The following SLC9A9 variants were observed in gnomAD, a reference collection of about 807,000 sequenced individuals.
SLC9A9 encodes the protein solute carrier family 9 member A9.
A neutral mutation model predicts 77.8 loss-of-function variants in SLC9A9; 62 were observed. That is an observed-to-expected ratio of 0.80 (90% CI 0.65 to 0.98). The LOEUF (loss-of-function observed/expected upper bound fraction) is 0.98. SLC9A9 is among the 50% of genes least tolerant of loss of function. The pLI is 0.00. For synonymous variants in SLC9A9, 320 were observed against 283.5 expected (o/e 1.13, Z -1.29); for missense variants, 775 against 774.9 (o/e 1.00, Z 0.00).
chr3:143,466,591 T>A lies in SLC9A9; in HGVS notation c.1469+446A>T, dbSNP rs143829564. ...CACTAAGCAAGTATGTTTAAGCATT[T>A]CCTATGTCCCTGTTTCTGTTGTAAG... On this transcript the variant is annotated intron_variant, in intron 12 of 15. Transcript: ENST00000316549. 1.2e-3 allele frequency among the ~76,000 whole-genome samples: 181 copies of A among 152,350 alleles called. 5 individuals carry two copies. The East Asian group carries it at 0.032, about 27-fold the overall frequency.
intron 6 of SLC9A9, among the ~76,000 whole-genome samples, chr3:143,640,976 G>A (rs917137764): frequency 1.3e-5 from 2 of 152,164 alleles, no homozygotes; most frequent in African/African-American, 4.8e-5. Context: ...AGCTGACATG[G>A]CAGAAAATGT....
In SLC9A9 at chr3:143,436,245, C is replaced by T. The variant is rs2034619749; in HGVS notation, c.1469+30792G>A. Among the ~76,000 whole-genome samples the T allele has an allele frequency of 2.0e-5, 3 of 152,326 alleles. No individual in the cohort carries two copies. The South Asian group carries it at 6.2e-4, about 32-fold the overall frequency. On this transcript the variant is annotated intron_variant, in intron 12 of 15. Transcript: ENST00000316549. ...TGCGAGCACTGGGCAGTGGTCCAGTCCTACTGCTGGCAGGGTCACCGCATG... is the reference window on the plus strand; with the variant it reads ...TGCGAGCACTGGGCAGTGGTCCAGTTCTACTGCTGGCAGGGTCACCGCATG...
At chr3:143,832,330 G>A (rs1035917435) in intron 1 of SLC9A9, 109 bp from the exon 2 acceptor site, 10 of 927,964 alleles carry the variant, frequency 1.1e-5, no homozygotes, top group Non-Finnish European at 1.6e-5. Context: ...AAAGTGTTGG[G>A]TTATTGCCTG....
chr3:143,603,727 A>G (rs1360616158), intron 6 of SLC9A9, among the ~76,000 whole-genome samples: 4 of 152,212 alleles, frequency 2.6e-5, no homozygotes, highest in Non-Finnish European at 5.9e-5. Context: ...AATGTTTGCT[A>G]TATTAGGCAG....
At chr3:143,561,122 A>C (rs1193205630) in intron 8 of SLC9A9, among the ~76,000 whole-genome samples, 1 of 152,200 alleles carries the variant, frequency 6.6e-6, no homozygotes, top group Non-Finnish European at 1.5e-5. Flanking sequence ...TGCAAGTTGC[A>C]GTGAGCTGAG....
At position 143,354,802 on chromosome 3, in the gene SLC9A9, T is replaced by TA. The variant is rs548357838; in HGVS notation, c.1604+8681dup. Reference sequence around the variant, plus strand: ...TTTTTTTCCTAATAAAATGATTCAGTACTGACCTAGAAATCTTCAGTATAA... The same window carrying TA: ...TTTTTTTCCTAATAAAATGATTCAGTAACTGACCTAGAAATCTTCAGTATAA... On this transcript the variant is annotated intron_variant, in intron 14 of 15. Transcript: ENST00000316549. Among the ~76,000 whole-genome samples, 39 of 152,362 alleles carry TA rather than the reference T, an allele frequency of 2.6e-4. No homozygotes were observed. The East Asian group carries it at 7.5e-3, about 29-fold the overall frequency.
chr3:143,644,982 A>G (rs1330843026), intron 6 of SLC9A9, among the ~76,000 whole-genome samples: 1 of 152,218 alleles, frequency 6.6e-6, no homozygotes, highest in East Asian at 1.9e-4. Flanking sequence ...TCAAAAGGGG[A>G]CAGCTTCTTA....
intron 6 of SLC9A9, among the ~76,000 whole-genome samples, chr3:143,646,713 A>G (rs2038713096): frequency 6.6e-6 from 1 of 152,136 alleles, no homozygotes; most frequent in African/African-American, 2.4e-5. Context: ...TCTAGAAACA[A>G]AATTGCTGGA....
rs563096700 is a variant in SLC9A9, at chr3:143,265,245, G to A, written c.*1457C>T. 3.3e-5 allele frequency: 5 copies of A among 152,306 alleles called. No homozygotes were observed. Among genetic ancestry groups the A allele is most frequent in the African/African-American group, 1.2e-4 (5 of 41,566 alleles). The allele number at this position is 152,306 out of a possible 1,614,324, so 9.4% of individuals were successfully genotyped here. Reference sequence around the variant, plus strand: ...CATACTTTGTAACAAAAATTTATTAGGATTAAGTCAAATTAGAAAACTTCA... The same window carrying A: ...CATACTTTGTAACAAAAATTTATTAAGATTAAGTCAAATTAGAAAACTTCA... On this transcript the variant is annotated 3_prime_UTR_variant, in exon 16 of 16. Coordinates refer to ENST00000316549, the MANE Select transcript of SLC9A9 (RefSeq NM_173653.4).
chr3:143,590,130 G>T (rs1268566271), intron 6 of SLC9A9, among the ~76,000 whole-genome samples: 1 of 152,106 alleles, frequency 6.6e-6, no homozygotes, highest in Non-Finnish European at 1.5e-5. Context: ...ACCAACTTAG[G>T]TTTGCCATCC....
chr3:143,534,034 T>C (rs2036553262), intron 9 of SLC9A9, among the ~76,000 whole-genome samples: 1 of 152,234 alleles, frequency 6.6e-6, no homozygotes, highest in Non-Finnish European at 1.5e-5. Flanking sequence ...AATAATCACC[T>C]TGCCCATATT....
chr3:143,659,887 C>CTGGT (rs1465057532), intron 5 of SLC9A9, among the ~76,000 whole-genome samples: 1 of 152,174 alleles, frequency 6.6e-6, no homozygotes, highest in African/African-American at 2.4e-5. Context: ...TCATGAGGAG[C>CTGGT]TGGTCTTTCC....
chr3:143,383,282 A>G (rs1054534250), intron 12 of SLC9A9, among the ~76,000 whole-genome samples: 8 of 152,216 alleles, frequency 5.3e-5, no homozygotes, highest in African/African-American at 1.9e-4. Flanking sequence ...AGCCTTGTGC[A>G]TTATTCCTGT....
intron 9 of SLC9A9, among the ~76,000 whole-genome samples, chr3:143,508,821 T>A (rs2036069961): frequency 6.6e-6 from 1 of 152,196 alleles, no homozygotes; most frequent in Non-Finnish European, 1.5e-5. Flanking sequence ...AAGTAAATAT[T>A]TTACAATTTA....
intron 2 of SLC9A9, among the ~76,000 whole-genome samples, chr3:143,805,166 C>T (rs1215539325): frequency 6.6e-6 from 1 of 152,152 alleles, no homozygotes; most frequent in African/African-American, 2.4e-5. Flanking sequence ...CTATTTTTCT[C>T]CTTTATTTGG....
intron 14 of SLC9A9, among the ~76,000 whole-genome samples, chr3:143,362,498 C>G (rs1270689225): frequency 6.6e-6 from 1 of 152,106 alleles, no homozygotes; most frequent in South Asian, 2.1e-4. Context: ...TCCTTTCCTT[C>G]CTGCATTTCT....
intron 1 of SLC9A9, among the ~76,000 whole-genome samples, chr3:143,846,182 C>G (rs570955462): frequency 6.6e-6 from 1 of 152,222 alleles, no homozygotes; most frequent in South Asian, 2.1e-4. Context: ...AAAACTTTTA[C>G]GAAAACAATA....
chr3:143,779,247 G>A (rs2007793781), intron 4 of SLC9A9, among the ~76,000 whole-genome samples: 1 of 152,148 alleles, frequency 6.6e-6, no homozygotes, highest in Non-Finnish European at 1.5e-5. Context: ...TCTTAACTAA[G>A]TATGAAAAGC....
chr3:143,832,142 T>A lies in SLC9A9; in HGVS notation c.255A>T (p.Lys85Asn). 6.2e-7 allele frequency: 1 copy of A among 1,613,350 alleles called. No homozygotes were observed. Among genetic ancestry groups the A allele is most frequent in the Non-Finnish European group, 8.5e-7 (1 of 1,179,608 alleles). ...GCAGAGTTGATGGACTGAAAGTTAG[T>A]TTTACACAGTCATAGACAGTTCCAC... is the stretch of plus-strand genomic sequence containing the variant. ...IESGTVYDCV[K>N]LTFSPSTLLV... is the part of the protein sequence containing the mutation. The change falls in exon 2 of 16, where the codon AAA (lysine) becomes AAT (asparagine). Residue 85 changes from lysine (K) to asparagine (N), a missense_variant. Coordinates refer to ENST00000316549, the MANE Select transcript of SLC9A9 (RefSeq NM_173653.4).
Sources: gnomAD v4.1 joint callset for allele counts (sites outside exome capture counted in the v4.1 genomes callset) on GRCh38, gnomAD v4.1.1 for gene constraint, MANE v1.5 for transcripts, NCBI Gene and HGNC (gene_info 2026-07-23, HGNC 2026-07-21) for gene names.